Variants in ELF1 observed in about 807,000 individuals in gnomAD.
ELF1 encodes the protein ETS-related transcription factor Elf-1.
A neutral mutation model predicts 59.9 loss-of-function variants in ELF1; 24 were observed. The observed-to-expected ratio is 0.40, with a 90% CI of 0.29 to 0.56. The LOEUF is 0.56. Ranked by LOEUF, ELF1 falls within the 20% of genes least tolerant of loss-of-function variation. The pLI is 0.44. For synonymous variants in ELF1, 248 were observed against 266.2 expected (o/e 0.93, Z 0.67); for missense variants, 627 against 742.2 (o/e 0.84, Z 1.80).
intron 3 of ELF1, among the ~76,000 whole-genome samples, chr13:40,953,454 C>T (rs1354687796): frequency 6.6e-6 from 1 of 152,128 alleles, no homozygotes; most frequent in African/African-American, 2.4e-5. Flanking sequence ...GAAATATGAA[C>T]ACTGGCAGGT....
intron 8 of ELF1, among the ~76,000 whole-genome samples, chr13:40,937,758 C>T (rs1293208926): frequency 2.0e-5 from 3 of 149,392 alleles, no homozygotes; most frequent in South Asian, 4.2e-4. Flanking sequence ...CATGAGCCAC[C>T]GCGCCCAGCT....
intron 3 of ELF1, among the ~76,000 whole-genome samples, chr13:40,958,030 T>C (rs998838467): frequency 9.2e-5 from 14 of 152,244 alleles, no homozygotes; most frequent in African/African-American, 2.9e-4. Context: ...CTATTTCTGA[T>C]AAACTTTCTT....
intron 1 of ELF1, among the ~76,000 whole-genome samples, chr13:40,988,832 G>A (rs1480145353): frequency 6.6e-6 from 1 of 151,988 alleles, no homozygotes; most frequent in African/African-American, 2.4e-5. Context: ...ACAGAGTCTT[G>A]CTCTATCGCT....
intron 1 of ELF1, among the ~76,000 whole-genome samples, chr13:41,004,414 G>C (rs981483146): frequency 6.6e-6 from 1 of 152,080 alleles, no homozygotes; most frequent in Non-Finnish European, 1.5e-5. Context: ...AAATCACTGA[G>C]AAACAGGTAG....
intron 2 of ELF1, among the ~76,000 whole-genome samples, chr13:40,963,460 T>C (rs973253593): frequency 6.6e-6 from 1 of 152,234 alleles, no homozygotes; most frequent in African/African-American, 2.4e-5. Context: ...GCCTTCTCCT[T>C]CTGAGGTACT....
At chr13:40,960,685 G>A (rs1238978723) in intron 2 of ELF1, among the ~76,000 whole-genome samples, 2 of 152,242 alleles carry the variant, frequency 1.3e-5, no homozygotes, top group East Asian at 1.9e-4. Context: ...TGATCCTCCC[G>A]CATCTGCCTC....
intron 1 of ELF1, among the ~76,000 whole-genome samples, chr13:41,057,399 T>G (rs766883935): frequency 2.0e-5 from 3 of 152,052 alleles, no homozygotes; most frequent in Admixed American, 6.6e-5. Flanking sequence ...TCTCTTTTTT[T>G]TCCCCCCACC....
chr13:40,965,114 T>G (rs1481312817), intron 2 of ELF1, among the ~76,000 whole-genome samples: 1 of 152,222 alleles, frequency 6.6e-6, no homozygotes, highest in Non-Finnish European at 1.5e-5. Context: ...TATAAACTAG[T>G]CTTTTCATTG....
intron 1 of ELF1, among the ~76,000 whole-genome samples, chr13:40,995,023 C>A (rs1402856416): frequency 6.6e-6 from 1 of 152,144 alleles, no homozygotes. Context: ...GCCTCCCCCA[C>A]CTCCAATTCC....
At chr13:41,050,414 G>C (rs961820123) in intron 1 of ELF1, among the ~76,000 whole-genome samples, 7 of 152,086 alleles carry the variant, frequency 4.6e-5, no homozygotes, top group African/African-American at 1.7e-4. Context: ...ACTGATCTTT[G>C]GGTTGCTTCC....
intron 5 of ELF1, among the ~76,000 whole-genome samples, chr13:40,946,539 C>T (rs904858645): frequency 4.6e-5 from 7 of 152,174 alleles, no homozygotes. Flanking sequence ...CACAGGCCCA[C>T]TTATATAGGG....
intron 1 of ELF1, among the ~76,000 whole-genome samples, chr13:41,011,563 C>A (rs939110710): frequency 2.6e-5 from 4 of 152,104 alleles, no homozygotes; most frequent in Non-Finnish European, 5.9e-5. Context: ...CCCACCTCAG[C>A]TCCCCAAGTG....
At chr13:41,002,340 G>C (rs1330330802) in intron 1 of ELF1, among the ~76,000 whole-genome samples, 1 of 151,942 alleles carries the variant, frequency 6.6e-6, no homozygotes, top group Non-Finnish European at 1.5e-5. Flanking sequence ...AATAGTAGAT[G>C]GCCTGCAGAA....
Position 40,959,262 on chromosome 13 carries a change from C to T in ELF1, c.73-246G>A, listed in dbSNP as rs2031661. On this transcript the variant is annotated intron_variant, in intron 2 of 8. Coordinates refer to ENST00000239882, the MANE Select transcript of ELF1 (RefSeq NM_172373.4). ...CTGTAATCCCAGCACTCTGGGAGGCCGAGGCAGGCAGATCACGAGGGTCAG... is the reference window on the plus strand; with the variant it reads ...CTGTAATCCCAGCACTCTGGGAGGCTGAGGCAGGCAGATCACGAGGGTCAG... Among the ~76,000 whole-genome samples the T allele has an allele frequency of 7.4e-4, 113 of 151,966 alleles. 1 individual carries two copies. The highest frequency in any genetic ancestry group is 3.4e-3 in the Middle Eastern group (1 of 292).
chr13:41,008,727 A>G (rs2138356072), intron 1 of ELF1, among the ~76,000 whole-genome samples: 1 of 152,340 alleles, frequency 6.6e-6, no homozygotes, highest in East Asian at 1.9e-4. Flanking sequence ...AGTATCAAAG[A>G]ATATCCACAA....
At chr13:41,060,500 C>G (rs1223571144) in intron 1 of ELF1, among the ~76,000 whole-genome samples, 1 of 152,192 alleles carries the variant, frequency 6.6e-6, no homozygotes, top group Admixed American at 6.5e-5. Flanking sequence ...GGCCCACCAG[C>G]CCCGTGAGCC....
At chr13:40,954,841 C>T (rs1006101533) in intron 3 of ELF1, among the ~76,000 whole-genome samples, 3 of 146,008 alleles carry the variant, frequency 2.1e-5, no homozygotes, top group South Asian at 2.3e-4. Context: ...CGCAAAGTGC[C>T]GAGATTGCAG....
chr13:41,045,367 T>C (rs1467508926), intron 1 of ELF1, among the ~76,000 whole-genome samples: 1 of 152,212 alleles, frequency 6.6e-6, no homozygotes, highest in Non-Finnish European at 1.5e-5. Context: ...CTCTAGTTCT[T>C]TTAATTGTGA....
intron 1 of ELF1, among the ~76,000 whole-genome samples, chr13:41,025,529 T>C (rs1480494536): frequency 6.6e-6 from 1 of 152,224 alleles, no homozygotes; most frequent in African/African-American, 2.4e-5. Context: ...GTAGGACAGC[T>C]TAAAACACGA....
Sources: allele counts gnomAD v4.1 joint callset (sites outside exome capture counted in the v4.1 genomes callset), GRCh38; gene constraint gnomAD v4.1.1; transcripts MANE v1.5; gene names NCBI Gene and HGNC (gene_info 2026-07-23, HGNC 2026-07-21).